TCF3: variants seen among roughly 807,000 people sequenced by gnomAD.
TCF3 encodes transcription factor 3, also known as transcription factor E2-alpha.
In TCF3, 54 loss-of-function variants were observed where a neutral mutation model predicts 72.3. The observed-to-expected ratio is 0.75, with a 90% confidence interval of 0.60 to 0.94. The LOEUF (loss-of-function observed/expected upper bound fraction) is 0.94. Ranked by LOEUF, TCF3 falls within the 40% of genes least tolerant of loss-of-function variation. The probability of loss-of-function intolerance (pLI) is 0.00; values close to 1 mark genes in which losing one functional copy is unlikely to be tolerated. For missense variants in TCF3, 1,078 were observed against 934.4 expected, an observed-to-expected ratio of 1.15 and a Z score of -2.00; for synonymous variants, 525 against 412.6, an observed-to-expected ratio of 1.27 and a Z score of -3.30.
Position 1,615,651 on chromosome 19 carries a change from G to A in TCF3, c.1586+35C>T. 1.2e-6 allele frequency: 2 copies of A among 1,612,868 alleles called. No homozygotes were observed. The highest frequency in any genetic ancestry group is 1.7e-6 in the Non-Finnish European group (2 of 1,179,738). On this transcript the variant is annotated intron_variant, in intron 17 of 18. Coordinates refer to ENST00000262965, the MANE Select transcript of TCF3 (RefSeq NM_003200.5). The surrounding 1 kb of genome is among the most constrained non-coding windows in gnomAD (Gnocchi z 7.3). ...CTGTGCACATGTGCGTCCTGATGGG[G>A]TGAGGGTGGGGAGTGCCGAGGGGTG...
chr19:1,630,244 A>AC (rs1454878149), intron 5 of TCF3, among the ~76,000 whole-genome samples: 1 of 152,012 alleles, frequency 6.6e-6, no homozygotes, highest in Non-Finnish European at 1.5e-5. Flanking sequence ...TGCAGGGGCC[A>AC]CCCCCGGCAG....
intron 1 of TCF3, among the ~76,000 whole-genome samples, chr19:1,651,710 G>A (rs948454221): frequency 2.0e-5 from 3 of 151,854 alleles, no homozygotes; most frequent in Admixed American, 6.6e-5. Flanking sequence ...CCCGCAGCCG[G>A]TGCAGGCGGT....
At chr19:1,621,263 T>C in intron 11 of TCF3, 72 bp from the exon 12 acceptor site, 1 of 1,491,054 alleles carries the variant, frequency 6.7e-7, no homozygotes. Context: ...CTCTCCTGCG[T>C]TCTGCCGTCC....
intron 18 of TCF3, chr19:1,612,111 G>C: frequency 1.6e-6 from 2 of 1,282,482 alleles, no homozygotes; most frequent in East Asian, 2.5e-5. Flanking sequence ...GACATGGACA[G>C]AGTCCGGGGG....
In TCF3 at chr19:1,632,347, G is replaced by A. The variant is rs2063811874; in HGVS notation, c.204C>T (p.Ser68=). Residue 68 remains serine (S), a synonymous_variant, in exon 4 of 19, where the codon TCC becomes TCT. Coordinates refer to ENST00000262965, the MANE Select transcript of TCF3 (RefSeq NM_003200.5). Reference sequence around the variant, plus strand: ...GGACTCCTACCCGGCTGGGGTCAAAGGAGGAGCTGCTCTGGTCGCCGCTGC... The same window carrying A: ...GGACTCCTACCCGGCTGGGGTCAAAAGAGGAGCTGCTCTGGTCGCCGCTGC... The part of the protein sequence containing the change: ...SWGSGDQSSS[S]FDPSRTFSEG... 2 of 1,590,206 alleles carry A rather than the reference G, an allele frequency of 1.3e-6. No individual in the cohort carries two copies. Among genetic ancestry groups the A allele is most frequent in the Non-Finnish European group, 1.7e-6 (2 of 1,168,684 alleles).
chr19:1,644,421 A>G (rs2065776889), intron 3 of TCF3, among the ~76,000 whole-genome samples: 1 of 152,120 alleles, frequency 6.6e-6, no homozygotes, highest in Admixed American at 6.5e-5. Context: ...TGTGTCCAGG[A>G]GCTGGGGGGT....
chr19:1,619,905 G>A (rs2061983420), intron 13 of TCF3, 52 bp from the exon 14 acceptor site: 1 of 1,438,348 alleles, frequency 7.0e-7, no homozygotes, highest in Non-Finnish European at 9.5e-7. Flanking sequence ...GTGTGAGCAT[G>A]GCCTGATGCC....
chr19:1,632,312 G>A lies in TCF3; in HGVS notation c.219+20C>T, dbSNP rs1324912736. 1 of 1,572,272 alleles carries A rather than the reference G, an allele frequency of 6.4e-7. No individual in the cohort carries two copies. Among genetic ancestry groups the A allele is most frequent in the African/African-American group, 1.3e-5 (1 of 74,250 alleles). On this transcript the variant is annotated intron_variant, in intron 4 of 18. Coordinates refer to ENST00000262965, the MANE Select transcript of TCF3 (RefSeq NM_003200.5). ...TGGGGACAGGAAACTCAGGGTCTCA[G>A]GCCTCACGGGGACTCCTACCCGGCT...
chr19:1,646,667 G>GATGACC (rs1314606409), intron 2 of TCF3, among the ~76,000 whole-genome samples: 2 of 152,126 alleles, frequency 1.3e-5, no homozygotes, highest in African/African-American at 4.8e-5. Flanking sequence ...AACTCCAGAC[G>GATGACC]ATGACCCCGC....
Position 1,621,975 on chromosome 19 carries a change from G to A in TCF3, c.823-5C>T, listed in dbSNP as rs1366181062. 3.7e-6 allele frequency: 6 copies of A among 1,604,436 alleles called. No homozygotes were observed. In the African/African-American group the frequency reaches 4.0e-5, roughly 11 times the overall value. ...TGCTCCATGCAGCTGGTAGCCCTGGGGGGTCAGGCAGGAGGAGGGTGGGTT... is the reference window on the plus strand; with the variant it reads ...TGCTCCATGCAGCTGGTAGCCCTGGAGGGTCAGGCAGGAGGAGGGTGGGTT... On this transcript the variant is annotated splice_region_variant and splice_polypyrimidine_tract_variant and intron_variant, in intron 10 of 18. Coordinates refer to ENST00000262965, the MANE Select transcript of TCF3 (RefSeq NM_003200.5).
rs1212540234 is a variant in TCF3 at position 1,652,458 on chromosome 19, T to G, written c.-198A>C. 19 of 134,852 alleles carry G rather than the reference T, an allele frequency of 1.4e-4. No individual in the cohort carries two copies. The highest frequency in any genetic ancestry group is 1.3e-3 in the East Asian group (5 of 3,982). 8.4% of individuals were successfully genotyped at this position (134,852 alleles called of 1,614,324 possible). A position where few individuals can be genotyped will look rare whatever the true frequency, so the allele number is the denominator to read the frequency against. On this transcript the variant is annotated 5_prime_UTR_variant, in exon 1 of 19. Coordinates refer to ENST00000262965, the MANE Select transcript of TCF3 (RefSeq NM_003200.5). ...GGCCCGGGCCCCTCCCACCCCCGCGTGGCCCGTCCCGCGGGGCCCGTGCGC... is the reference window on the plus strand; with the variant it reads ...GGCCCGGGCCCCTCCCACCCCCGCGGGGCCCGTCCCGCGGGGCCCGTGCGC...
At position 1,625,634 on chromosome 19, in the gene TCF3, G is replaced by A. The variant is rs111490293; in HGVS notation, c.441C>T (p.Ser147=). ...TGCCGGAGTAGGAGGGGTAGTACTG[G>A]GAGGTCCCCTTCATGCCCGAAGGGG... ...PLSPSGMKGT[S]QYYPSYSGSS... The change falls in exon 7 of 19, where the codon TCC becomes TCT. Residue 147 remains serine (S), a synonymous_variant. Transcript: ENST00000262965. 1.3e-5 allele frequency: 21 copies of A among 1,560,464 alleles called. No individual in the cohort carries two copies. The African/African-American group carries it at 1.8e-4, about 14-fold the overall frequency.
At chr19:1,640,441 G>A (rs1042178656) in intron 3 of TCF3, among the ~76,000 whole-genome samples, 1 of 151,992 alleles carries the variant, frequency 6.6e-6, no homozygotes, top group Admixed American at 6.6e-5. Context: ...AGTAAAATAC[G>A]GTAATAATTA....
rs1352916074 is a variant in TCF3 at position 1,614,351 on chromosome 19, G to A, written c.1822+934C>T. On this transcript the variant is annotated intron_variant, in intron 18 of 18. Transcript: ENST00000262965. The surrounding 1 kb of genome is among the most constrained non-coding windows in gnomAD (Gnocchi z 5.6). ...GTTTCTTCCCGCAAGCCCTGACGGG[G>A]GGCTTTGGGGGAGGAAACGCCCTGA... Among the ~76,000 whole-genome samples, 2 of 152,194 alleles carry A rather than the reference G, an allele frequency of 1.3e-5. No homozygotes were observed. The highest frequency in any genetic ancestry group is 2.4e-5 in the African/African-American group (1 of 41,450).
chr19:1,643,190 G>T (rs943276530), intron 3 of TCF3, among the ~76,000 whole-genome samples: 1 of 152,130 alleles, frequency 6.6e-6, no homozygotes, highest in African/African-American at 2.4e-5. Flanking sequence ...GAAAATCTTG[G>T]TTTCCTATTC....
At chr19:1,638,206 T>C (rs969329574) in intron 3 of TCF3, among the ~76,000 whole-genome samples, 2 of 152,218 alleles carry the variant, frequency 1.3e-5, no homozygotes, top group Admixed American at 6.5e-5. Flanking sequence ...ATCCTTGCAG[T>C]GGCTACATTA....
chr19:1,622,427 T>TTGGGGGGGGGAACCCGGGGGGGGGGGG lies in TCF3; in HGVS notation c.550-13_550-12insCCCCCCCCCCCCGGGTTCCCCCCCCCA. ...CTGGGTGGGTACACCTGCGGGCGGG[T>TTGGGGGGGGGAACCCGGGGGGGGGGGG]GGGCGGTGGGGGGTGCAGTCAGGAC... On this transcript the variant is annotated splice_polypyrimidine_tract_variant and intron_variant, in intron 8 of 18. Transcript: ENST00000262965. 1 of 440,438 alleles carries TTGGGGGGGGGAACCCGGGGGGGGGGGG rather than the reference T, an allele frequency of 2.3e-6. No individual in the cohort carries two copies. 27.3% of individuals were successfully genotyped at this position (440,438 alleles called of 1,614,324 possible).
At chr19:1,636,184 A>G (rs2064379700) in intron 3 of TCF3, among the ~76,000 whole-genome samples, 1 of 151,802 alleles carries the variant, frequency 6.6e-6, no homozygotes, top group African/African-American at 2.4e-5. Context: ...TTTTGCTTTG[A>G]GACAGGGTCT....
At chr19:1,632,497 G>C in intron 3 of TCF3, 92 bp from the exon 4 acceptor site, 1 of 1,357,772 alleles carries the variant, frequency 7.4e-7, no homozygotes, top group Non-Finnish European at 1.0e-6. Context: ...AACCTCAGTG[G>C]ACCCGGGGGG....
Sources: allele counts gnomAD v4.1 joint callset (sites outside exome capture counted in the v4.1 genomes callset), GRCh38; gene constraint gnomAD v4.1.1; non-coding constraint Gnocchi (gnomAD v3.1); transcripts MANE v1.5; gene names NCBI Gene and HGNC (gene_info 2026-07-23, HGNC 2026-07-21).